Variants in CDON observed in about 807,000 individuals in gnomAD.
The protein encoded by CDON is cell adhesion molecule-related/down-regulated by oncogenes.
In CDON, 73 loss-of-function variants were observed where a neutral mutation model predicts 120.9. That is an observed-to-expected ratio of 0.60 (90% CI 0.50 to 0.73). CDON has a LOEUF of 0.73. Ranked by LOEUF, CDON falls within the 30% of genes least tolerant of loss-of-function variation. CDON has a pLI of 0.00. For synonymous variants in CDON, 566 were observed against 573.5 expected, an observed-to-expected ratio of 0.99 and a Z score of 0.19; for missense variants, 1,470 against 1,587.3, an observed-to-expected ratio of 0.93 and a Z score of 1.26.
Position 126,058,159 on chromosome 11 carries a change from A to G in CDON, c.-62+4420T>C, listed in dbSNP as rs548729474. Among the ~76,000 whole-genome samples the G allele has an allele frequency of 2.0e-5, 3 of 152,334 alleles. No homozygotes were observed. In the East Asian group the frequency reaches 5.8e-4, roughly 29 times the overall value. ...CACAGTTCCAAGTAACAAAACATAA[A>G]CAAAATATGTAAGCTAAGTTCAGTA... On this transcript the variant is annotated intron_variant, in intron 1 of 19. Transcript: ENST00000531738.
intron 1 of CDON, among the ~76,000 whole-genome samples, chr11:126,026,491 G>T (rs1026761008): frequency 1.3e-5 from 2 of 152,168 alleles, no homozygotes; most frequent in Non-Finnish European, 2.9e-5. Context: ...AATAAAATTA[G>T]GTAGTAATAC....
chr11:126,034,161 G>A lies in CDON; in HGVS notation c.-61-10624C>T, dbSNP rs1029373738. Among the ~76,000 whole-genome samples, 3 of 151,618 alleles carry A rather than the reference G, an allele frequency of 2.0e-5. No homozygotes were observed. The highest frequency in any genetic ancestry group is 2.4e-5 in the African/African-American group (1 of 41,248). On this transcript the variant is annotated intron_variant, in intron 1 of 19. Transcript: ENST00000531738. This position sits in a 1 kb window ranked among gnomAD's most constrained non-coding sequence, Gnocchi z 4.5. Reference sequence around the variant, plus strand: ...AAAAAAGTTCACACCTACAGACTTCGCAACCCTTCCCCCACTTCTCCCAAG... The same window carrying A: ...AAAAAAGTTCACACCTACAGACTTCACAACCCTTCCCCCACTTCTCCCAAG...
At position 125,971,547 on chromosome 11, in the gene CDON, CA is replaced by C. The variant is rs1945999758; in HGVS notation, c.3356+6756del. ...ACAGACTTTTAAGGTTGTCATTATA[CA>C]AAACTCTGAAGTCATTTGTAGTATC... On this transcript the variant is annotated intron_variant, in intron 18 of 19. Transcript: ENST00000531738. Among the ~76,000 whole-genome samples, 3 of 152,130 alleles carry C rather than the reference CA, an allele frequency of 2.0e-5. No individual in the cohort carries two copies. In the South Asian group the frequency reaches 6.2e-4, roughly 32 times the overall value.
At chr11:125,985,067 T>C (rs1946425041) in intron 15 of CDON, among the ~76,000 whole-genome samples, 1 of 152,206 alleles carries the variant, frequency 6.6e-6, no homozygotes, top group Non-Finnish European at 1.5e-5. Flanking sequence ...AGAAAAGCAG[T>C]AGAGCAAAGT....
At chr11:126,006,941 G>T (rs889602427) in intron 8 of CDON, among the ~76,000 whole-genome samples, 13 of 151,946 alleles carry the variant, frequency 8.6e-5, no homozygotes, top group African/African-American at 3.1e-4. Context: ...TACAGTTGAA[G>T]AAATTAAGGT....
At chr11:126,054,522 T>C (rs1948639833) in intron 1 of CDON, among the ~76,000 whole-genome samples, 1 of 152,158 alleles carries the variant, frequency 6.6e-6, no homozygotes, top group South Asian at 2.1e-4. Context: ...AACTTGAGAG[T>C]CATTGATGTC....
At chr11:125,994,570 A>T (rs1158042766) in intron 13 of CDON, among the ~76,000 whole-genome samples, 181 bp from the exon 14 acceptor site, 3 of 152,228 alleles carry the variant, frequency 2.0e-5, no homozygotes, top group Non-Finnish European at 4.4e-5. Flanking sequence ...GAGGTTAAAC[A>T]GAAATAAGGC....
chr11:125,981,402 G>GCACGCACA lies in CDON; in HGVS notation c.2996-74_2996-73insTGTGCGTG, dbSNP rs1946296629. ...CGCACACATGCACATACGCACACAC[G>GCACGCACA]CATGCACACATGCACATACGCACAC... On this transcript the variant is annotated intron_variant, in intron 16 of 19. Coordinates refer to ENST00000531738, the MANE Select transcript of CDON (RefSeq NM_001378964.1). 7 of 1,455,482 alleles carry GCACGCACA rather than the reference G, an allele frequency of 4.8e-6. No individual in the cohort carries two copies. In the African/African-American group the frequency reaches 5.6e-5, roughly 12 times the overall value. 90.2% of individuals were successfully genotyped at this position (1,455,482 alleles called of 1,614,324 possible). A position where few individuals can be genotyped will look rare whatever the true frequency, so the allele number is the denominator to read the frequency against.
intron 11 of CDON, among the ~76,000 whole-genome samples, chr11:126,000,655 C>T (rs1193111367): frequency 6.6e-6 from 1 of 152,108 alleles, no homozygotes; most frequent in African/African-American, 2.4e-5. Context: ...GAAATTAATA[C>T]TCATATACGT....
At chr11:125,987,214 G>A (rs981487295) in intron 15 of CDON, among the ~76,000 whole-genome samples, 1 of 152,186 alleles carries the variant, frequency 6.6e-6, no homozygotes, top group Non-Finnish European at 1.5e-5. Context: ...TGAAGGGTGA[G>A]TGAGATCCAT....
At chr11:126,040,091 A>G (rs1044394554) in intron 1 of CDON, among the ~76,000 whole-genome samples, 1 of 152,178 alleles carries the variant, frequency 6.6e-6, no homozygotes, top group Non-Finnish European at 1.5e-5. Flanking sequence ...ATACTCAAAT[A>G]AATAAATAAA....
At chr11:126,028,835 A>G (rs1320727) in intron 1 of CDON, among the ~76,000 whole-genome samples, 77,784 of 148,590 alleles carry the variant, frequency 0.52, 21,224 homozygotes, top group African/African-American at 0.73. Flanking sequence ...GTGTGTGTGT[A>G]TATATATATA....
intron 14 of CDON, among the ~76,000 whole-genome samples, 186 bp downstream of exon 14, chr11:125,994,098 C>T (rs1272249251): frequency 2.6e-5 from 4 of 152,188 alleles, no homozygotes; most frequent in African/African-American, 9.7e-5. Flanking sequence ...GTTTCTGCAA[C>T]CAGAATATAA....
chr11:125,972,505 A>G (rs187085945), intron 18 of CDON, among the ~76,000 whole-genome samples: 159 of 152,292 alleles, frequency 1.0e-3, no homozygotes, highest in African/African-American at 3.6e-3. Flanking sequence ...GGTCATTTAC[A>G]GCATGTCACA....
At chr11:125,977,089 T>C (rs973471295) in intron 18 of CDON, among the ~76,000 whole-genome samples, 2 of 152,344 alleles carry the variant, frequency 1.3e-5, no homozygotes, top group East Asian at 1.9e-4. Flanking sequence ...ACCAGGTCTT[T>C]AGCACGTTGC....
In CDON at chr11:126,023,532, G is replaced by T; in HGVS notation, c.-56C>A. The T allele has an allele frequency of 8.1e-7, 1 of 1,239,974 alleles. No individual in the cohort carries two copies. Among genetic ancestry groups the T allele is most frequent in the South Asian group, 1.2e-5 (1 of 83,680 alleles). 76.8% of individuals were successfully genotyped at this position (1,239,974 alleles called of 1,614,324 possible). On this transcript the variant is annotated 5_prime_UTR_variant, in exon 2 of 20. Transcript: ENST00000531738. ...GCTTCCAGAGCAAAACCCAGTCCTTGGTTCACTAAAAAAGAAAAAGGAAAG... is the reference window on the plus strand; with the variant it reads ...GCTTCCAGAGCAAAACCCAGTCCTTTGTTCACTAAAAAAGAAAAAGGAAAG...
Position 126,001,739 on chromosome 11 carries a change from T to C in CDON, c.2138A>G (p.Asp713Gly), listed in dbSNP as rs1340727055. The change falls in exon 11 of 20, where the codon GAT becomes GGT. Residue 713 changes from aspartate to glycine, a missense_variant. Coordinates refer to ENST00000531738, the MANE Select transcript of CDON (RefSeq NM_001378964.1). ...TTTACCTCCACTGTGCCTAGAGGAA[T>C]CTGTAAGTACCACTCCAAAATTGTT... is the stretch of plus-strand genomic sequence containing the variant. ...ANNNFGVVLT[D>G]SSRHSGVPEA... The C allele has an allele frequency of 3.1e-6, 5 of 1,613,660 alleles. No homozygotes were observed. Among genetic ancestry groups the C allele is most frequent in the South Asian group, 2.2e-5 (2 of 91,076 alleles).
chr11:125,973,036 TTTTTTTA>T (rs1267542519), intron 18 of CDON, among the ~76,000 whole-genome samples: 1 of 146,400 alleles, frequency 6.8e-6, no homozygotes, highest in African/African-American at 2.6e-5. Context: ...TTTTTTTTTT[TTTTTTTA>T]AATCCCTCAG....
chr11:126,044,834 C>T (rs993479944), intron 1 of CDON, among the ~76,000 whole-genome samples: 1 of 151,962 alleles, frequency 6.6e-6, no homozygotes, highest in Non-Finnish European at 1.5e-5. Context: ...TTCAGTATTA[C>T]AACAGGGTGA....
Sources: allele counts gnomAD v4.1 joint callset (sites outside exome capture counted in the v4.1 genomes callset), GRCh38; gene constraint gnomAD v4.1.1; non-coding constraint Gnocchi (gnomAD v3.1); transcripts MANE v1.5; gene names NCBI Gene and HGNC (gene_info 2026-07-23, HGNC 2026-07-21).